The following EXD1 variants were observed in gnomAD, a reference collection of about 807,000 sequenced individuals.
EXD1 encodes exonuclease 3'-5' domain containing 1.
EXD1 carries 63 observed loss-of-function variants against 49.1 expected under a neutral mutation model. The ratio of observed to expected loss-of-function variants is 1.28; its 90% CI spans 1.05 to 1.58. EXD1 has a LOEUF of 1.58. Ranked by LOEUF, EXD1 falls within the 40% of genes most tolerant of loss-of-function variation. The pLI is 0.00. For missense variants in EXD1, 748 were observed against 666.0 expected (o/e 1.12, Z -1.36); for synonymous variants, 234 against 239.2 (o/e 0.98, Z 0.20).
intron 7 of EXD1, among the ~76,000 whole-genome samples, chr15:41,203,650 C>A (rs1424007611): frequency 6.6e-6 from 1 of 152,040 alleles, no homozygotes; most frequent in African/African-American, 2.4e-5. Flanking sequence ...GGTGTGGTGG[C>A]TCACACCTGT....
intron 7 of EXD1, among the ~76,000 whole-genome samples, chr15:41,201,365 A>G (rs1165390058): frequency 6.6e-6 from 1 of 152,158 alleles, no homozygotes; most frequent in African/African-American, 2.4e-5. Context: ...ATTATTCATA[A>G]GAGAAGATCC....
At chr15:41,188,959 C>T (rs938260387) in intron 11 of EXD1, among the ~76,000 whole-genome samples, 2 of 151,480 alleles carry the variant, frequency 1.3e-5, no homozygotes, top group South Asian at 2.1e-4. Flanking sequence ...TGTGCCACCA[C>T]GCCTGGCTCA....
At chr15:41,224,143 G>C (rs544366178) in intron 2 of EXD1, among the ~76,000 whole-genome samples, 1 of 152,198 alleles carries the variant, frequency 6.6e-6, no homozygotes, top group African/African-American at 2.4e-5. Flanking sequence ...TTACCATGTT[G>C]CCCAGGCTGG....
At position 41,190,094 on chromosome 15, in the gene EXD1, G is replaced by A; in HGVS notation, c.899C>T (p.Ser300Leu). ...GGCCAAAATTTTCAGTAAAGAGGGT[G>A]AAACAGGTCGGATGAACCATACTTC... ...NPEVWFIRPVSPSLLKILALE... is the reference protein window; with the variant it reads ...NPEVWFIRPVLPSLLKILALE... The change falls in exon 11 of 12, where the codon TCA (serine) becomes TTA (leucine). Residue 300 changes from serine (S) to leucine (L), a missense_variant. Ser to Leu is a moderately radical substitution (Grantham distance 145, BLOSUM62 -2). Coordinates refer to ENST00000458580, the MANE Select transcript of EXD1 (RefSeq NM_001286441.2). 1 of 1,614,174 alleles carries A rather than the reference G, an allele frequency of 6.2e-7. No homozygotes were observed. The highest frequency in any genetic ancestry group is 8.5e-7 in the Non-Finnish European group (1 of 1,180,034).
At chr15:41,217,076 A>C (rs758402157) in intron 4 of EXD1, 21 bp downstream of exon 4, 11 of 1,602,414 alleles carry the variant, frequency 6.9e-6, no homozygotes, top group Non-Finnish European at 9.4e-6. Flanking sequence ...TATCATAATT[A>C]AGAAAATTAT....
chr15:41,227,634 C>T (rs1044656928), intron 1 of EXD1, among the ~76,000 whole-genome samples: 3 of 148,610 alleles, frequency 2.0e-5, no homozygotes, highest in Admixed American at 1.4e-4. Context: ...TTAGAGATCG[C>T]GCCACTGTAC....
At chr15:41,225,209 C>T (rs1285992851) in intron 2 of EXD1, among the ~76,000 whole-genome samples, 1 of 152,150 alleles carries the variant, frequency 6.6e-6, no homozygotes, top group Non-Finnish European at 1.5e-5. Context: ...AAATTTAACC[C>T]CTTACTGTAT....
chr15:41,227,881 C>G (rs1208552564), intron 1 of EXD1, among the ~76,000 whole-genome samples: 1 of 152,024 alleles, frequency 6.6e-6, no homozygotes, highest in East Asian at 1.9e-4. Context: ...GAAACCCCGT[C>G]TCTACTAAAA....
chr15:41,215,863 T>C lies in EXD1; in HGVS notation c.389-30A>G, dbSNP rs753514853. On this transcript the variant is annotated intron_variant, in intron 5 of 11. Transcript: ENST00000458580. ...AAGACAAGGATTGCATTAGATATAT[T>C]TCTCTTCCTCAGCAACAGAATAGCT... 5 of 1,605,546 alleles carry C rather than the reference T, an allele frequency of 3.1e-6. No homozygotes were observed. In the East Asian group the frequency reaches 1.1e-4, roughly 36 times the overall value.
Position 41,184,011 on chromosome 15 carries a change from T to C in EXD1, c.1639A>G (p.Thr547Ala), listed in dbSNP as rs522063. Residue 547 changes from threonine to alanine, a missense_variant, in exon 12 of 12, where the codon ACT (threonine) becomes GCT (alanine). Thr to Ala is a moderately conservative substitution (Grantham distance 58, BLOSUM62 0). Transcript: ENST00000458580. ...CAGGGAGGGAGTGTGGAAACCACAGTCTTTCTGATAGGATAAAAAGTGTCA... is the reference window on the plus strand; with the variant it reads ...CAGGGAGGGAGTGTGGAAACCACAGCCTTTCTGATAGGATAAAAAGTGTCA... The part of the protein sequence containing the change: ...PSDTFYPIRK[T>A]VVSTLPPCPA... 0.75 allele frequency: 1,212,587 copies of C among 1,613,892 alleles called. 457,859 individuals carry two copies. Among genetic ancestry groups the C allele is most frequent in the East Asian group, 0.99 (44,568 of 44,878 alleles).
intron 2 of EXD1, among the ~76,000 whole-genome samples, chr15:41,221,654 C>T (rs979445008): frequency 4.0e-5 from 6 of 151,862 alleles, no homozygotes; most frequent in Non-Finnish European, 8.8e-5. Flanking sequence ...TACACTTCTG[C>T]TTGCCCCTCA....
chr15:41,203,916 C>CAAA (rs1187093511), intron 7 of EXD1, among the ~76,000 whole-genome samples: 2,578 of 23,198 alleles, frequency 0.11, 409 homozygotes, highest in Non-Finnish European at 0.13. Context: ...GACTTCTCCT[C>CAAA]AAAAAAAAAA....
chr15:41,186,209 C>T (rs77300603), intron 11 of EXD1, among the ~76,000 whole-genome samples: 13 of 152,128 alleles, frequency 8.5e-5, no homozygotes, highest in South Asian at 2.1e-4. Flanking sequence ...AAGTGGCTCA[C>T]GCCTGTAATC....
Position 41,228,787 on chromosome 15 carries a change from C to T in EXD1, c.-54+1692G>A, listed in dbSNP as rs187812030. Reference sequence around the variant, plus strand: ...TATCTTGGCTCACTGCAACCTCTGCCTCCCGGGTTCAAGCAATTTATACTT... The same window carrying T: ...TATCTTGGCTCACTGCAACCTCTGCTTCCCGGGTTCAAGCAATTTATACTT... On this transcript the variant is annotated intron_variant, in intron 1 of 11. Transcript: ENST00000458580. Among the ~76,000 whole-genome samples the T allele has an allele frequency of 6.2e-4, 95 of 152,108 alleles. No individual in the cohort carries two copies. The Middle Eastern group carries it at 0.014, about 22-fold the overall frequency.
intron 7 of EXD1, among the ~76,000 whole-genome samples, chr15:41,199,878 A>T (rs971138176): frequency 6.2e-4 from 89 of 143,648 alleles, no homozygotes; most frequent in Non-Finnish European, 1.2e-3. Flanking sequence ...TATATATATC[A>T]TATATATATG....
At chr15:41,223,868 A>G (rs2047125154) in intron 2 of EXD1, among the ~76,000 whole-genome samples, 1 of 152,098 alleles carries the variant, frequency 6.6e-6, no homozygotes, top group Admixed American at 6.6e-5. Context: ...CTGTTTCAAA[A>G]AAAAAGAAAA....
chr15:41,193,859 C>A (rs1481158545), intron 9 of EXD1, among the ~76,000 whole-genome samples: 1 of 151,796 alleles, frequency 6.6e-6, no homozygotes, highest in Non-Finnish European at 1.5e-5. Context: ...TGGCCAATGG[C>A]CCCCAAAGAT....
chr15:41,225,081 G>GGTGGTCA (rs1251739686), intron 2 of EXD1, among the ~76,000 whole-genome samples: 2 of 152,192 alleles, frequency 1.3e-5, no homozygotes, highest in Non-Finnish European at 2.9e-5. Context: ...GTGACCATGA[G>GGTGGTCA]GATAACAGAT....
chr15:41,220,082 A>C (rs1047760148), intron 2 of EXD1, among the ~76,000 whole-genome samples, 184 bp from the exon 3 acceptor site: 60 of 152,230 alleles, frequency 3.9e-4, no homozygotes, highest in African/African-American at 1.4e-3. Flanking sequence ...TACGACCTTT[A>C]AACAAGTAGT....
Sources: gnomAD v4.1 joint callset for allele counts (sites outside exome capture counted in the v4.1 genomes callset) on GRCh38, gnomAD v4.1.1 for gene constraint, MANE v1.5 for transcripts, NCBI Gene and HGNC (gene_info 2026-07-23, HGNC 2026-07-21) for gene names.